TAF4B: variants seen among roughly 807,000 people sequenced by gnomAD.
The protein encoded by TAF4B is transcription initiation factor TFIID subunit 4B.
Under a neutral mutation model 86.4 loss-of-function variants are expected in TAF4B, and 38 were observed. The ratio of observed to expected loss-of-function variants is 0.44; its 90% CI spans 0.34 to 0.58. The LOEUF is 0.58. Among genes scored for constraint, TAF4B ranks in the 20% least tolerant of loss-of-function variants. The pLI is 0.02. For missense variants in TAF4B, 988 were observed against 1,027.6 expected, an observed-to-expected ratio of 0.96 and a Z score of 0.53; for synonymous variants, 388 against 391.2, an observed-to-expected ratio of 0.99 and a Z score of 0.10.
intron 1 of TAF4B, 141 bp downstream of exon 1, chr18:26,227,417 T>C: frequency 2.7e-6 from 2 of 740,498 alleles, no homozygotes; most frequent in Non-Finnish European, 4.4e-6. Context: ...ATATTCTTTT[T>C]GTGTCATTAC....
chr18:26,226,538 A>C lies in TAF4B; in HGVS notation c.-396A>C, dbSNP rs1029808844. ...GGCACTCGGGGTTCGTAGTTTTGAA[A>C]TTTCTGGCGGGGGAGCAGCTGCGCA... On this transcript the variant is annotated 5_prime_UTR_variant, in exon 1 of 15. Coordinates refer to ENST00000269142, the MANE Select transcript of TAF4B (RefSeq NM_005640.3). The C allele has an allele frequency of 1.2e-5, 2 of 161,824 alleles. No homozygotes were observed. The highest frequency in any genetic ancestry group is 1.3e-5 in the Non-Finnish European group (1 of 74,780). 10.0% of individuals were successfully genotyped at this position (161,824 alleles called of 1,614,324 possible). A position where few individuals can be genotyped will look rare whatever the true frequency, so the allele number is the denominator to read the frequency against.
chr18:26,363,639 T>C (rs1252934395), intron 14 of TAF4B, among the ~76,000 whole-genome samples: 2 of 152,216 alleles, frequency 1.3e-5, no homozygotes, highest in African/African-American at 4.8e-5. Context: ...TTAGTTACAA[T>C]TGTTAGAAAC....
intron 1 of TAF4B, among the ~76,000 whole-genome samples, chr18:26,239,237 C>T (rs1475007561): frequency 1.3e-5 from 2 of 152,182 alleles, no homozygotes; most frequent in Non-Finnish European, 1.5e-5. Context: ...TTCTCCACAT[C>T]CTCTCCAGCA....
At chr18:26,337,051 G>A (rs1185789015) in intron 13 of TAF4B, among the ~76,000 whole-genome samples, 1 of 152,140 alleles carries the variant, frequency 6.6e-6, no homozygotes, top group Non-Finnish European at 1.5e-5. Context: ...GAGAACAGGT[G>A]GTAGCAAACC....
chr18:26,287,493 G>GA (rs2056539631), intron 7 of TAF4B, among the ~76,000 whole-genome samples: 1 of 152,176 alleles, frequency 6.6e-6, no homozygotes, highest in Non-Finnish European at 1.5e-5. Context: ...TTAGTGTTTA[G>GA]AATGTTCTTC....
At chr18:26,312,510 C>A (rs770811359) in intron 9 of TAF4B, among the ~76,000 whole-genome samples, 23 of 152,208 alleles carry the variant, frequency 1.5e-4, no homozygotes, top group Non-Finnish European at 2.4e-4. Flanking sequence ...TAGTTAGTTC[C>A]CTGCTCATTT....
rs796874990 is a variant in TAF4B at position 26,267,710 on chromosome 18, A to T, written c.597+87A>T. The T allele has an allele frequency of 1.2e-5, 11 of 898,858 alleles. 1 individual carries two copies. In the African/African-American group the frequency reaches 1.6e-4, roughly 13 times the overall value. 55.7% of individuals were successfully genotyped at this position (898,858 alleles called of 1,614,324 possible). ...CTATCTCCTGTTAGATATGTAAGTT[A>T]CTGTGTGACATTGAAGATAGCAATT... On this transcript the variant is annotated intron_variant, in intron 3 of 14. Transcript: ENST00000269142.
At chr18:26,274,878 A>G in intron 4 of TAF4B, 53 bp from the exon 5 acceptor site, 1 of 1,612,774 alleles carries the variant, frequency 6.2e-7, no homozygotes, top group East Asian at 2.2e-5. Context: ...GTTCTTTTGA[A>G]TTGTTTGCTC....
In TAF4B at chr18:26,250,393, A is replaced by G. The variant is rs1465711169; in HGVS notation, c.344-14777A>G. Among the ~76,000 whole-genome samples the G allele has an allele frequency of 2.0e-5, 3 of 151,868 alleles. No homozygotes were observed. In the East Asian group the frequency reaches 5.8e-4, roughly 30 times the overall value. On this transcript the variant is annotated intron_variant, in intron 1 of 14. Coordinates refer to ENST00000269142, the MANE Select transcript of TAF4B (RefSeq NM_005640.3). Reference sequence around the variant, plus strand: ...GCGCCTGTAGTCCGAGCTACTCGAGAGGCTGAGGCAGGAGAATAGCGTGAA... The same window carrying G: ...GCGCCTGTAGTCCGAGCTACTCGAGGGGCTGAGGCAGGAGAATAGCGTGAA...
chr18:26,253,307 A>C (rs1393265977), intron 1 of TAF4B, among the ~76,000 whole-genome samples: 1 of 152,124 alleles, frequency 6.6e-6, no homozygotes, highest in Non-Finnish European at 1.5e-5. Flanking sequence ...AATTTTGTCA[A>C]ATGCTTGTTC....
At chr18:26,299,864 T>C (rs1355566998) in intron 9 of TAF4B, among the ~76,000 whole-genome samples, 1 of 152,176 alleles carries the variant, frequency 6.6e-6, no homozygotes, top group African/African-American at 2.4e-5. Context: ...AATGGTAGTA[T>C]AGTATATACA....
chr18:26,231,746 C>T lies in TAF4B; in HGVS notation c.343+4470C>T, dbSNP rs1397343791. Reference sequence around the variant, plus strand: ...TTCAAGAATGAAGCCGTGACCTTGGCGGTGAGTGTTATAGCTCTTAAAGAT... The same window carrying T: ...TTCAAGAATGAAGCCGTGACCTTGGTGGTGAGTGTTATAGCTCTTAAAGAT... On this transcript the variant is annotated intron_variant, in intron 1 of 14. Transcript: ENST00000269142. Among the ~76,000 whole-genome samples, 6 of 152,016 alleles carry T rather than the reference C, an allele frequency of 3.9e-5. No homozygotes were observed. The South Asian group carries it at 6.3e-4, about 16-fold the overall frequency.
intron 9 of TAF4B, among the ~76,000 whole-genome samples, chr18:26,312,026 C>G (rs1350370652): frequency 6.6e-6 from 1 of 152,162 alleles, no homozygotes; most frequent in Non-Finnish European, 1.5e-5. Context: ...CTGTAACACT[C>G]CATAGAATCT....
intron 13 of TAF4B, among the ~76,000 whole-genome samples, chr18:26,352,933 TTG>T (rs2057256952): frequency 6.6e-6 from 1 of 152,224 alleles, no homozygotes; most frequent in Admixed American, 6.5e-5. Context: ...CAAATTGAAT[TTG>T]TAATTAAAAC....
chr18:26,384,464 A>G (rs931060021), intron 14 of TAF4B, among the ~76,000 whole-genome samples: 1 of 152,232 alleles, frequency 6.6e-6, no homozygotes, highest in African/African-American at 2.4e-5. Context: ...CATGTCTGAA[A>G]TGGCCATCAG....
chr18:26,362,306 A>T (rs1488796862), intron 14 of TAF4B, among the ~76,000 whole-genome samples: 1 of 152,208 alleles, frequency 6.6e-6, no homozygotes, highest in Non-Finnish European at 1.5e-5. Flanking sequence ...GGTCTCAAGT[A>T]AGTGCTTAAT....
chr18:26,281,649 A>G (rs1422041834), intron 5 of TAF4B, among the ~76,000 whole-genome samples: 1 of 152,154 alleles, frequency 6.6e-6, no homozygotes, highest in Non-Finnish European at 1.5e-5. Flanking sequence ...ACCCTAAGAA[A>G]TTTAAGACAC....
intron 14 of TAF4B, among the ~76,000 whole-genome samples, chr18:26,388,817 A>T (rs1048517402): frequency 6.6e-6 from 1 of 151,942 alleles, no homozygotes; most frequent in African/African-American, 2.4e-5. Flanking sequence ...TTTTATTTTT[A>T]TTATTTTCAT....
intron 7 of TAF4B, among the ~76,000 whole-genome samples, chr18:26,290,801 G>C (rs1197656008): frequency 6.6e-6 from 1 of 152,170 alleles, no homozygotes; most frequent in Non-Finnish European, 1.5e-5. Flanking sequence ...CTAATAAGGA[G>C]CATCAAGGAG....
Sources: allele counts gnomAD v4.1 joint callset (sites outside exome capture counted in the v4.1 genomes callset), GRCh38; gene constraint gnomAD v4.1.1; transcripts MANE v1.5; gene names NCBI Gene and HGNC (gene_info 2026-07-23, HGNC 2026-07-21).